KAZN: variants seen among roughly 807,000 people sequenced by gnomAD.
The protein encoded by KAZN is kazrin, periplakin interacting protein, also known as kazrin.
KAZN carries 40 observed loss-of-function variants against 87.4 expected under a neutral mutation model. The observed-to-expected ratio is 0.46, with a 90% confidence interval of 0.36 to 0.60. KAZN has a LOEUF of 0.60. Ranked by LOEUF, KAZN falls within the 20% of genes least tolerant of loss-of-function variation. KAZN has a pLI of 0.00. For synonymous variants in KAZN, 466 were observed against 458.3 expected, an observed-to-expected ratio of 1.02 and a Z score of -0.22; for missense variants, 898 against 1,073.9, an observed-to-expected ratio of 0.84 and a Z score of 2.29.
rs1209861653 is a variant in KAZN at position 15,009,288 on chromosome 1, C to G, written c.419-25461C>G. On this transcript the variant is annotated intron_variant, in intron 2 of 14. Transcript: ENST00000376030. ...GTTCACAGAAGCAGCAGTCACATTC[C>G]CCTCCCGCACCCAGAATCCCGACAG... is the stretch of plus-strand genomic sequence containing the variant. Among the ~76,000 whole-genome samples, 3 of 152,190 alleles carry G rather than the reference C, an allele frequency of 2.0e-5. No homozygotes were observed. The South Asian group carries it at 6.2e-4, about 32-fold the overall frequency.
At position 14,754,505 on chromosome 1, in the gene KAZN, C is replaced by T. The variant is rs186797610; in HGVS notation, c.226+155282C>T. On this transcript the variant is annotated intron_variant, in intron 1 of 14. Transcript: ENST00000376030. ...AAAATTAGCCAGGCATGGTGGTGGG[C>T]GCCTGTAACCCCAGCTACTTGGGAG... Among the ~76,000 whole-genome samples the T allele has an allele frequency of 6.8e-3, 1,039 of 152,040 alleles. 8 individuals are homozygous for T. The highest frequency in any genetic ancestry group is 0.047 in the South Asian group (227 of 4,788).
At chr1:14,275,107 A>G (rs1652247222) in intron 2 of KAZN, among the ~76,000 whole-genome samples, 1 of 152,172 alleles carries the variant, frequency 6.6e-6, no homozygotes, top group African/African-American at 2.4e-5. Context: ...CCATGTTCCC[A>G]CCACCCAGTT....
Position 14,088,244 on chromosome 1 carries a change from CCTT to C in KAZN, c.92-92184_92-92182del, listed in dbSNP as rs1407741077. On this transcript the variant is annotated intron_variant, in intron 1 of 16. Coordinates refer to the KAZN transcript ENST00000636203. ...TAAGCTAAGATCTTTGATCTTAGAC[CCTT>C]CTTCTTTCTAACATAAAAATTTCAT... Among the ~76,000 whole-genome samples, 60 of 151,532 alleles carry C rather than the reference CCTT, an allele frequency of 4.0e-4. 1 individual carries two copies. Among genetic ancestry groups the C allele is most frequent in the Middle Eastern group, 3.4e-3 (1 of 294 alleles).
intron 2 of KAZN, among the ~76,000 whole-genome samples, chr1:14,578,417 G>C (rs1675325139): frequency 6.6e-6 from 1 of 151,592 alleles, no homozygotes; most frequent in African/African-American, 2.4e-5. Context: ...GAGGAGAAAA[G>C]AATTTAAATA....
At chr1:14,133,783 G>C (rs749291891) in intron 1 of KAZN, among the ~76,000 whole-genome samples, 121 of 152,312 alleles carry the variant, frequency 7.9e-4, no homozygotes, top group Non-Finnish European at 2.6e-4. Context: ...ACTGAGCACA[G>C]GATGCCTCCT....
chr1:14,199,152 C>T (rs1445204307), intron 2 of KAZN, among the ~76,000 whole-genome samples: 1 of 152,184 alleles, frequency 6.6e-6, no homozygotes, highest in African/African-American at 2.4e-5. Flanking sequence ...TGCTTAAATA[C>T]AGTGTTTCCC....
rs55650123 is a variant in KAZN, at chr1:14,447,208, C to CATTATTATTATTATT, written c.250-151741_250-151727dup. 2.2e-3 allele frequency among the ~76,000 whole-genome samples: 291 copies of CATTATTATTATTATT among 131,176 alleles called. 1 individual carries two copies. Among genetic ancestry groups the CATTATTATTATTATT allele is most frequent in the African/African-American group, 5.6e-3 (192 of 34,446 alleles). The allele number at this position is 131,176 out of a possible 152,430, so 86.1% of individuals were successfully genotyped here. A position where few individuals can be genotyped will look rare whatever the true frequency, so the allele number is the denominator to read the frequency against. Reference sequence around the variant, plus strand: ...CCCTTGGAACATGGCGTTTCCACCACATTATTATTATTATTATTATTATTA... The same window carrying CATTATTATTATTATT: ...CCCTTGGAACATGGCGTTTCCACCACATTATTATTATTATTATTATTATTATTATTATTATTATTA... On this transcript the variant is annotated intron_variant, in intron 2 of 16. Coordinates refer to the KAZN transcript ENST00000636203.
At chr1:14,595,215 T>C (rs1557823040), upstream of KAZN, among the ~76,000 whole-genome samples, 1 of 151,786 alleles carries the variant, frequency 6.6e-6, no homozygotes, top group African/African-American at 2.4e-5. Flanking sequence ...AGTTACCTTA[T>C]GGGGGGGCAG....
At chr1:14,027,271 T>A (rs1399697435) in intron 1 of KAZN, among the ~76,000 whole-genome samples, 2 of 152,160 alleles carry the variant, frequency 1.3e-5, no homozygotes, top group Non-Finnish European at 2.9e-5. Context: ...CTTTGCCCAC[T>A]GCTCCTCAGC....
chr1:14,860,746 C>A (rs1650741506), intron 1 of KAZN, among the ~76,000 whole-genome samples: 1 of 152,182 alleles, frequency 6.6e-6, no homozygotes, highest in Non-Finnish European at 1.5e-5. Context: ...CACGCATATG[C>A]TGAGTGGAGT....
chr1:14,514,350 AT>A (rs1671097058), intron 2 of KAZN, among the ~76,000 whole-genome samples: 1 of 22,550 alleles, frequency 4.4e-5, no homozygotes, highest in African/African-American at 2.1e-4. Context: ...ATATTTATAT[AT>A]ATTATATATA....
intron 13 of KAZN, among the ~76,000 whole-genome samples, chr1:15,110,455 T>G (rs1641532001): frequency 6.7e-6 from 1 of 149,926 alleles, no homozygotes; most frequent in Middle Eastern, 3.2e-3. Flanking sequence ...ATGTGTGTAT[T>G]TGTGTGTGTT....
intron 4 of KAZN, among the ~76,000 whole-genome samples, chr1:15,046,131 C>T (rs1673469451): frequency 6.6e-6 from 1 of 152,066 alleles, no homozygotes; most frequent in Admixed American, 6.6e-5. Flanking sequence ...AACCTTGTCT[C>T]TACTAAAAAT....
chr1:14,588,312 T>C (rs1203465039), intron 2 of KAZN, among the ~76,000 whole-genome samples: 1 of 152,252 alleles, frequency 6.6e-6, no homozygotes, highest in Non-Finnish European at 1.5e-5. Flanking sequence ...AAGAGGTATA[T>C]GGTTGCTGAA....
chr1:14,505,708 T>C (rs962518148), intron 2 of KAZN, among the ~76,000 whole-genome samples: 1 of 152,208 alleles, frequency 6.6e-6, no homozygotes, highest in Non-Finnish European at 1.5e-5. Context: ...GCGCGGTGGC[T>C]CACGCCTGTA....
intron 1 of KAZN, among the ~76,000 whole-genome samples, chr1:14,883,788 C>T (rs1275084236): frequency 1.3e-5 from 2 of 152,166 alleles, no homozygotes. Context: ...TAATCTGAAA[C>T]TTGCATGCCA....
In KAZN at chr1:15,021,899, CCTCAT is replaced by C. The variant is rs1331395334; in HGVS notation, c.419-12849_419-12845del. Among the ~76,000 whole-genome samples, 1 of 151,472 alleles carries C rather than the reference CCTCAT, an allele frequency of 6.6e-6. No homozygotes were observed. Among genetic ancestry groups the C allele is most frequent in the Non-Finnish European group, 1.5e-5 (1 of 67,840 alleles). ...TACAAAGAAAAAGAGGTTGGGGAGG[CCTCAT>C]AATCATGGCGGAAGGCAAAAGACAC... On this transcript the variant is annotated intron_variant, in intron 2 of 14. Transcript: ENST00000376030. This position sits in a 1 kb window ranked among gnomAD's most constrained non-coding sequence, Gnocchi z 4.2.
At chr1:15,095,518 C>T (rs903512916) in intron 10 of KAZN, among the ~76,000 whole-genome samples, 5 of 152,048 alleles carry the variant, frequency 3.3e-5, no homozygotes, top group African/African-American at 9.7e-5. Context: ...GCTCTGCCTC[C>T]GGCCTGCCTG....
chr1:14,945,777 C>G (rs1661696350), intron 1 of KAZN: 2 of 581,490 alleles, frequency 3.4e-6, no homozygotes, highest in Non-Finnish European at 4.3e-6. Context: ...AGCTGCCCCG[C>G]AGCACTTTCA....
Sources: gnomAD v4.1 joint callset for allele counts (sites outside exome capture counted in the v4.1 genomes callset) on GRCh38, gnomAD v4.1.1 for gene constraint, Gnocchi (gnomAD v3.1) non-coding constraint, MANE v1.5 for transcripts, NCBI Gene and HGNC (gene_info 2026-07-23, HGNC 2026-07-21) for gene names.